The following SEL1L3 variants were observed in gnomAD, a reference collection of about 807,000 sequenced individuals.
SEL1L3 encodes the protein protein sel-1 homolog 3.
A neutral mutation model predicts 142.8 loss-of-function variants in SEL1L3; 76 were observed. The ratio of observed to expected loss-of-function variants is 0.53; its 90% CI spans 0.44 to 0.64. SEL1L3 has a LOEUF of 0.64. Ranked by LOEUF, SEL1L3 falls within the 30% of genes least tolerant of loss-of-function variation. The pLI is 0.00. For synonymous variants in SEL1L3, 504 were observed against 519.6 expected (o/e 0.97, Z 0.41); for missense variants, 1,262 against 1,381.7 (o/e 0.91, Z 1.37).
intron 9 of SEL1L3, among the ~76,000 whole-genome samples, chr4:25,810,923 G>C (rs1211051739): frequency 6.6e-6 from 1 of 152,246 alleles, no homozygotes; most frequent in Non-Finnish European, 1.5e-5. Context: ...TGGGAGGCGA[G>C]GAACGGGTCC....
At chr4:25,743,238 A>G (rs980595433), downstream of SEL1L3, among the ~76,000 whole-genome samples, 5 of 152,218 alleles carry the variant, frequency 3.3e-5, no homozygotes, top group African/African-American at 7.2e-5. Context: ...GAAAAATTTA[A>G]AAATATTGAG....
At position 25,767,622 on chromosome 4, in the gene SEL1L3, G is replaced by A. The variant is rs141324185; in HGVS notation, c.2761-13C>T. ...TCCTGGCCAGGTCCTAAGGGGTAAA[G>A]GGAAGAAAAAGTTAATTCATTAATA... On this transcript the variant is annotated splice_polypyrimidine_tract_variant and intron_variant, in intron 18 of 23. Transcript: ENST00000399878. 1.1e-3 allele frequency: 1,737 copies of A among 1,568,948 alleles called. 23 individuals are homozygous for A. The African/African-American group carries it at 0.02, about 18-fold the overall frequency.
At chr4:25,839,292 T>C (rs1383051089) in intron 2 of SEL1L3, among the ~76,000 whole-genome samples, 1 of 152,236 alleles carries the variant, frequency 6.6e-6, no homozygotes, top group African/African-American at 2.4e-5. Flanking sequence ...TAAGGAAGTC[T>C]GTGGAACATT....
At chr4:25,767,417 C>A (rs143798734) in intron 19 of SEL1L3, 108 bp downstream of exon 19, 440 of 672,758 alleles carry the variant, frequency 6.5e-4, no homozygotes, top group African/African-American at 6.5e-3. Flanking sequence ...ACTTTCTTTT[C>A]TAATTATTTA....
intron 11 of SEL1L3, among the ~76,000 whole-genome samples, chr4:25,792,630 G>T (rs779538650): frequency 4.6e-5 from 7 of 152,218 alleles, no homozygotes; most frequent in Non-Finnish European, 1.0e-4. Flanking sequence ...GAGTGGTGGA[G>T]CCTAGTTTTG....
intron 11 of SEL1L3, among the ~76,000 whole-genome samples, chr4:25,801,564 A>G (rs1386559373): frequency 6.6e-6 from 1 of 152,200 alleles, no homozygotes; most frequent in Non-Finnish European, 1.5e-5. Flanking sequence ...GCAAACCATC[A>G]GTTGGTGTAA....
chr4:25,774,242 C>T (rs1196470634), intron 17 of SEL1L3, among the ~76,000 whole-genome samples: 1 of 152,192 alleles, frequency 6.6e-6, no homozygotes, highest in Non-Finnish European at 1.5e-5. Context: ...ACATGAGAAC[C>T]TGCCTGCAGA....
intron 10 of SEL1L3, 86 bp from the exon 11 acceptor site, chr4:25,802,548 C>T: frequency 9.0e-7 from 1 of 1,108,694 alleles, no homozygotes; most frequent in Non-Finnish European, 1.3e-6. Flanking sequence ...AGGCCCAATT[C>T]CTATATACAA....
intron 3 of SEL1L3, 66 bp downstream of exon 3, chr4:25,835,131 G>A (rs1715716152): frequency 6.3e-7 from 1 of 1,587,850 alleles, no homozygotes; most frequent in African/African-American, 1.3e-5. Context: ...TCTTCCACTA[G>A]CCTGCTCTGG....
intron 9 of SEL1L3, among the ~76,000 whole-genome samples, chr4:25,806,153 C>T (rs1439612032): frequency 2.0e-5 from 3 of 151,618 alleles, no homozygotes; most frequent in Admixed American, 6.6e-5. Context: ...ATTCCCCTTC[C>T]TCAGCCTCCC....
chr4:25,844,336 T>C (rs1716375179), intron 2 of SEL1L3, among the ~76,000 whole-genome samples: 1 of 152,156 alleles, frequency 6.6e-6, no homozygotes, highest in Non-Finnish European at 1.5e-5. Flanking sequence ...GTGCCCCTTT[T>C]TCGGTAAACA....
intron 1 of SEL1L3, among the ~76,000 whole-genome samples, chr4:25,855,067 G>A (rs1203343365): frequency 1.3e-5 from 2 of 152,216 alleles, no homozygotes; most frequent in East Asian, 1.9e-4. Flanking sequence ...GCTGGCATCC[G>A]GTGGCTTGTA....
chr4:25,738,135 C>T, the SEL1L3 span, among the ~76,000 whole-genome samples: 34 of 152,256 alleles, frequency 2.2e-4, no homozygotes, highest in South Asian at 1.0e-3. Context: ...GTGATCCCTC[C>T]GCCTGAACCT....
At chr4:25,730,369 T>G in the SEL1L3 span, among the ~76,000 whole-genome samples, 1 of 152,178 alleles carries the variant, frequency 6.6e-6, no homozygotes, top group African/African-American at 2.4e-5. Context: ...AGTGAGCATC[T>G]TCTGGATATC....
chr4:25,761,816 C>T lies in SEL1L3; in HGVS notation c.2956-2748G>A, dbSNP rs1254819023. Among the ~76,000 whole-genome samples, 3 of 152,202 alleles carry T rather than the reference C, an allele frequency of 2.0e-5. No homozygotes were observed. The South Asian group carries it at 6.2e-4, about 32-fold the overall frequency. The stretch of plus-strand genomic sequence containing the variant: ...AATTAGCAAAATTAAATCATGAAAG[C>T]ATCCACTTGCTGGAAAGATTTCAGT... On this transcript the variant is annotated intron_variant, in intron 20 of 23. Coordinates refer to ENST00000399878, the MANE Select transcript of SEL1L3 (RefSeq NM_015187.5).
intron 11 of SEL1L3, among the ~76,000 whole-genome samples, chr4:25,800,459 G>T (rs1352909511): frequency 1.3e-5 from 2 of 151,902 alleles, no homozygotes; most frequent in Non-Finnish European, 2.9e-5. Context: ...GTTTTCTTTC[G>T]CAATCATAAC....
At chr4:25,758,055 G>A (rs974703454) in intron 21 of SEL1L3, among the ~76,000 whole-genome samples, 2 of 152,198 alleles carry the variant, frequency 1.3e-5, no homozygotes, top group Non-Finnish European at 2.9e-5. Context: ...CTGCTGTGAT[G>A]ACAGCAAAAA....
intron 17 of SEL1L3, among the ~76,000 whole-genome samples, chr4:25,774,235 T>A (rs1252847865): frequency 6.6e-6 from 1 of 152,174 alleles, no homozygotes; most frequent in Admixed American, 6.5e-5. Context: ...ATGGGCCACA[T>A]GAGAACCTGC....
chr4:25,849,413 G>A (rs1380062252), intron 1 of SEL1L3, among the ~76,000 whole-genome samples: 6 of 152,138 alleles, frequency 3.9e-5, no homozygotes, highest in Non-Finnish European at 8.8e-5. Flanking sequence ...TGAGGCTAAG[G>A]AAAACAAGCT....
Sources: allele counts gnomAD v4.1 joint callset (sites outside exome capture counted in the v4.1 genomes callset), GRCh38; gene constraint gnomAD v4.1.1; transcripts MANE v1.5; gene names NCBI Gene and HGNC (gene_info 2026-07-23, HGNC 2026-07-21).